The following HSF1 variants were observed in gnomAD, a reference collection of about 807,000 sequenced individuals.
HSF1 encodes the protein heat shock factor protein 1.
HSF1 carries 32 observed loss-of-function variants against 51.7 expected under a neutral mutation model. The observed-to-expected ratio is 0.62, with a 90% CI of 0.47 to 0.83. HSF1 has a LOEUF of 0.83. Ranked by LOEUF, HSF1 falls within the 40% of genes least tolerant of loss-of-function variation. The probability of loss-of-function intolerance (pLI) is 0.00; values close to 1 mark genes in which losing one functional copy is unlikely to be tolerated. For synonymous variants in HSF1, 396 were observed against 309.7 expected (o/e 1.28, Z -2.92); for missense variants, 727 against 717.0 (o/e 1.01, Z -0.16).
At chr8:144,302,719 G>A (rs1261697688) in intron 1 of HSF1, among the ~76,000 whole-genome samples, 2 of 151,784 alleles carry the variant, frequency 1.3e-5, no homozygotes, top group Admixed American at 6.6e-5. Context: ...CTACGCGGGA[G>A]GCTGAGGTGG....
chr8:144,310,932 A>C (rs187449486), intron 4 of HSF1: 135 of 569,586 alleles, frequency 2.4e-4, no homozygotes, highest in African/African-American at 2.0e-3. Context: ...GCTCGCATGG[A>C]TCCATCCCCA....
chr8:144,309,487 G>A lies in HSF1; in HGVS notation c.259G>A (p.Gly87Ser). 3 of 1,614,090 alleles carry A rather than the reference G, an allele frequency of 1.9e-6. No homozygotes were observed. Among genetic ancestry groups the A allele is most frequent in the Non-Finnish European group, 2.5e-6 (3 of 1,180,022 alleles). The change falls in exon 3 of 13, where the codon GGC becomes AGC. Residue 87 changes from glycine to serine, a missense_variant. Transcript: ENST00000528838. The part of the protein sequence containing the change: ...GFRKVVHIEQ[G>S]GLVKPERDDT... ...CCGGAAAGTGGTCCACATCGAGCAG[G>A]GCGGCCTGGTCAAGCCAGAGAGAGA...
At chr8:144,299,597 C>T (rs1487057670) in intron 1 of HSF1, among the ~76,000 whole-genome samples, 12 of 152,008 alleles carry the variant, frequency 7.9e-5, no homozygotes, top group African/African-American at 2.9e-4. Context: ...GTTCCCTGTG[C>T]TCAAAGAAAT....
chr8:144,305,407 C>G (rs1217014933), intron 1 of HSF1, among the ~76,000 whole-genome samples: 3 of 152,080 alleles, frequency 2.0e-5, no homozygotes, highest in African/African-American at 4.8e-5. Flanking sequence ...TCAAGCGATT[C>G]TCTTGCCTCA....
intron 1 of HSF1, among the ~76,000 whole-genome samples, chr8:144,301,859 C>T (rs1400210563): frequency 1.3e-5 from 2 of 150,356 alleles, no homozygotes; most frequent in Non-Finnish European, 3.0e-5. Flanking sequence ...AGCGAGACTC[C>T]GTCTCAAAAA....
intron 2 of HSF1, chr8:144,309,253 G>A: frequency 1.4e-6 from 1 of 701,684 alleles, no homozygotes; most frequent in South Asian, 1.9e-5. Context: ...TACTCCACGT[G>A]TGTCGGGCGC....
rs1271425074 is a variant in HSF1, at chr8:144,297,253, GCTGT to G, written c.117+5382_117+5385del. Among the ~76,000 whole-genome samples, 1 of 152,166 alleles carries G rather than the reference GCTGT, an allele frequency of 6.6e-6. No individual in the cohort carries two copies. Among genetic ancestry groups the G allele is most frequent in the Non-Finnish European group, 1.5e-5 (1 of 68,036 alleles). On this transcript the variant is annotated intron_variant, in intron 1 of 12. Coordinates refer to ENST00000528838, the MANE Select transcript of HSF1 (RefSeq NM_005526.4). The surrounding 1 kb of genome is among the most constrained non-coding windows in gnomAD (Gnocchi z 4.6). Reference sequence around the variant, plus strand: ...TCAAGGTCTGGCAGGTGGAGGGGAGGCTGTCTAAGGAAAGGAGGTGGTCCCAAAT... The same window carrying G: ...TCAAGGTCTGGCAGGTGGAGGGGAGGCTAAGGAAAGGAGGTGGTCCCAAAT...
intron 1 of HSF1, among the ~76,000 whole-genome samples, chr8:144,298,940 CA>C (rs1340865608): frequency 6.6e-6 from 1 of 152,214 alleles, no homozygotes; most frequent in Non-Finnish European, 1.5e-5. Context: ...AGGACTCACA[CA>C]GGGCCGTGGT....
intron 1 of HSF1, among the ~76,000 whole-genome samples, chr8:144,301,631 C>T (rs367755356): frequency 2.0e-5 from 3 of 152,264 alleles, no homozygotes; most frequent in East Asian, 3.9e-4. Flanking sequence ...CTTTGGGAGG[C>T]CAAGGCGGGC....
intron 1 of HSF1, among the ~76,000 whole-genome samples, chr8:144,296,358 G>C (rs1419099183): frequency 6.6e-6 from 1 of 152,222 alleles, no homozygotes; most frequent in Non-Finnish European, 1.5e-5. Flanking sequence ...CCAAGACCCA[G>C]CAGGCCCACT....
chr8:144,314,120 C>G lies in HSF1; in HGVS notation c.1385-5C>G. On this transcript the variant is annotated splice_polypyrimidine_tract_variant and splice_region_variant and intron_variant, in intron 12 of 12. Transcript: ENST00000528838. Reference sequence around the variant, plus strand: ...CCCACCGCCTTGACACCCCCACCCCCGCAGGGAAGCAGCTGGTGCACTACA... The same window carrying G: ...CCCACCGCCTTGACACCCCCACCCCGGCAGGGAAGCAGCTGGTGCACTACA... 6.5e-7 allele frequency: 1 copy of G among 1,544,528 alleles called. No individual in the cohort carries two copies. The highest frequency in any genetic ancestry group is 8.7e-7 in the Non-Finnish European group (1 of 1,144,220).
intron 1 of HSF1, among the ~76,000 whole-genome samples, chr8:144,301,199 G>A (rs111780432): frequency 0.016 from 2,374 of 151,876 alleles, 35 homozygotes; most frequent in Non-Finnish European, 0.025. Context: ...TGGGTGGATC[G>A]CTTGAGCCCA....
intron 1 of HSF1, among the ~76,000 whole-genome samples, chr8:144,305,696 A>G (rs1816167115): frequency 6.9e-6 from 1 of 145,820 alleles, no homozygotes; most frequent in Admixed American, 6.9e-5. Context: ...TCTCCTAGTC[A>G]GGTCTGCTCT....
At chr8:144,312,509 G>A (rs1007968387) in intron 9 of HSF1, 4 of 948,940 alleles carry the variant, frequency 4.2e-6, no homozygotes, top group Non-Finnish European at 4.8e-6. Flanking sequence ...CCTCGCCACA[G>A]GCCACGGGCC....
chr8:144,305,670 T>C (rs1816164774), intron 1 of HSF1, among the ~76,000 whole-genome samples: 1 of 151,828 alleles, frequency 6.6e-6, no homozygotes, highest in African/African-American at 2.4e-5. Flanking sequence ...GATCTTCATG[T>C]TTGCTGACTC....
intron 2 of HSF1, 50 bp downstream of exon 2, chr8:144,309,064 A>G: frequency 7.3e-7 from 1 of 1,365,126 alleles, no homozygotes; most frequent in Non-Finnish European, 1.0e-6. Flanking sequence ...AGACCTGCAG[A>G]TGGCGGGACC....
intron 1 of HSF1, among the ~76,000 whole-genome samples, chr8:144,308,263 ACCGCGG>A (rs1343352275): frequency 3.9e-5 from 6 of 152,096 alleles, no homozygotes; most frequent in African/African-American, 1.4e-4. Context: ...CCTCTGAGCC[ACCGCGG>A]CCACGGCCAA....
chr8:144,291,890 G>A lies in HSF1; in HGVS notation c.117+16G>A. 1 of 1,443,048 alleles carries A rather than the reference G, an allele frequency of 6.9e-7. No individual in the cohort carries two copies. Among genetic ancestry groups the A allele is most frequent in the Non-Finnish European group, 9.2e-7 (1 of 1,085,806 alleles). The allele number at this position is 1,443,048 out of a possible 1,614,324, so 89.4% of individuals were successfully genotyped here. A position where few individuals can be genotyped will look rare whatever the true frequency, so the allele number is the denominator to read the frequency against. ...CTGGAGCCCGGTGAGGGCAGCGCGCGGGCGCGGGGCCCGTGGGGACCGGGA... is the reference window on the plus strand; with the variant it reads ...CTGGAGCCCGGTGAGGGCAGCGCGCAGGCGCGGGGCCCGTGGGGACCGGGA... On this transcript the variant is annotated intron_variant, in intron 1 of 12. Coordinates refer to ENST00000528838, the MANE Select transcript of HSF1 (RefSeq NM_005526.4). The surrounding 1 kb of genome is among the most constrained non-coding windows in gnomAD (Gnocchi z 4.1).
chr8:144,306,924 T>C (rs1457830020), intron 1 of HSF1, among the ~76,000 whole-genome samples: 2 of 152,154 alleles, frequency 1.3e-5, no homozygotes, highest in African/African-American at 2.4e-5. Context: ...GGGCTGTGTG[T>C]GTGTGTGTGT....
Sources: allele counts gnomAD v4.1 joint callset (sites outside exome capture counted in the v4.1 genomes callset), GRCh38; gene constraint gnomAD v4.1.1; non-coding constraint Gnocchi (gnomAD v3.1); transcripts MANE v1.5; gene names NCBI Gene and HGNC (gene_info 2026-07-23, HGNC 2026-07-21).